Variants in PTPRT observed in about 807,000 individuals in gnomAD.
PTPRT encodes the protein protein tyrosine phosphatase receptor type T, also known as receptor-type tyrosine-protein phosphatase T.
A neutral mutation model predicts 176.8 loss-of-function variants in PTPRT; 56 were observed. The ratio of observed to expected loss-of-function variants is 0.32; its 90% CI spans 0.26 to 0.40. The LOEUF (loss-of-function observed/expected upper bound fraction) is 0.40, where lower values mean the gene tolerates loss of function less well. PTPRT is among the 10% of genes least tolerant of loss of function. PTPRT has a pLI of 1.00. For synonymous variants in PTPRT, 783 were observed against 739.0 expected (o/e 1.06, Z -0.96); for missense variants, 1,540 against 1,908.2 (o/e 0.81, Z 3.60).
chr20:42,557,430 C>A (rs1460737811), intron 7 of PTPRT, among the ~76,000 whole-genome samples: 1 of 152,084 alleles, frequency 6.6e-6, no homozygotes, highest in Non-Finnish European at 1.5e-5. Flanking sequence ...GAGCCAGAGA[C>A]AGGTCATGGG....
At chr20:42,178,881 A>G (rs1990403054) in intron 16 of PTPRT, among the ~76,000 whole-genome samples, 1 of 152,180 alleles carries the variant, frequency 6.6e-6, no homozygotes, top group African/African-American at 2.4e-5. Flanking sequence ...AACTTACAAT[A>G]TAGTAGCTAG....
chr20:43,048,204 C>T (rs541986737), intron 1 of PTPRT, among the ~76,000 whole-genome samples: 1 of 151,696 alleles, frequency 6.6e-6, no homozygotes, highest in Non-Finnish European at 1.5e-5. Flanking sequence ...AAAAGGGCTT[C>T]CAGAGAGATG....
chr20:42,808,371 G>A (rs558832935), intron 2 of PTPRT, among the ~76,000 whole-genome samples: 21 of 152,286 alleles, frequency 1.4e-4, no homozygotes, highest in Middle Eastern at 6.8e-3. Context: ...GGACATTTGC[G>A]TTGGTTCTTT....
chr20:43,168,111 G>A (rs2014902575), intron 1 of PTPRT, among the ~76,000 whole-genome samples: 1 of 152,190 alleles, frequency 6.6e-6, no homozygotes, highest in Non-Finnish European at 1.5e-5. Flanking sequence ...GGAGTCACAT[G>A]TTGTCAAGTC....
intron 7 of PTPRT, among the ~76,000 whole-genome samples, chr20:42,511,450 T>C (rs2071954676): frequency 6.6e-6 from 1 of 151,806 alleles, no homozygotes; most frequent in African/African-American, 2.4e-5. Flanking sequence ...TTTGTCTTAT[T>C]TGGAGTTGAT....
At chr20:42,212,363 A>G (rs2055661506) in intron 15 of PTPRT, among the ~76,000 whole-genome samples, 1 of 150,188 alleles carries the variant, frequency 6.7e-6, no homozygotes, top group African/African-American at 2.4e-5. Flanking sequence ...CACAAAGTAT[A>G]AGTACCATGC....
chr20:42,513,594 G>A (rs1337223845), intron 7 of PTPRT, among the ~76,000 whole-genome samples: 1 of 151,822 alleles, frequency 6.6e-6, no homozygotes, highest in East Asian at 1.9e-4. Flanking sequence ...ATAATTTTTT[G>A]TTATTAATAT....
chr20:42,477,907 C>T (rs1332718166), intron 7 of PTPRT, among the ~76,000 whole-genome samples: 1 of 152,206 alleles, frequency 6.6e-6, no homozygotes, highest in Non-Finnish European at 1.5e-5. Context: ...CACTTTGGCC[C>T]ACTTCAGACT....
intron 6 of PTPRT, among the ~76,000 whole-genome samples, chr20:42,682,509 T>A (rs1471074709): frequency 6.6e-6 from 1 of 152,170 alleles, no homozygotes; most frequent in Non-Finnish European, 1.5e-5. Flanking sequence ...ACACAACCAA[T>A]GCCCTCTTAA....
intron 19 of PTPRT, among the ~76,000 whole-genome samples, chr20:42,123,094 C>T (rs932532063): frequency 1.1e-4 from 16 of 152,186 alleles, no homozygotes; most frequent in Non-Finnish European, 2.9e-5. Context: ...GTGCAGTTTT[C>T]AGCAGTCTGG....
At position 42,223,229 on chromosome 20, in the gene PTPRT, AC is replaced by A. The variant is rs2055926647; in HGVS notation, c.2342+12999del. ...TAATAATAACTACAAGGTACTGAGC[AC>A]CTACTACGCGCCAGATATAAAAACC... On this transcript the variant is annotated intron_variant, in intron 15 of 30. Coordinates refer to ENST00000373187, the MANE Select transcript of PTPRT (RefSeq NM_007050.6). Among the ~76,000 whole-genome samples, 6 of 152,320 alleles carry A rather than the reference AC, an allele frequency of 3.9e-5. No homozygotes were observed. The South Asian group carries it at 1.2e-3, about 32-fold the overall frequency.
In PTPRT at chr20:42,115,924, G is replaced by A. The variant is rs1987254031; in HGVS notation, c.2983-609C>T. 6 of 651,666 alleles carry A rather than the reference G, an allele frequency of 9.2e-6. No homozygotes were observed. The South Asian group carries it at 1.1e-4, about 11-fold the overall frequency. The allele number at this position is 651,666 out of a possible 1,614,324, so 40.4% of individuals were successfully genotyped here. On this transcript the variant is annotated intron_variant, in intron 21 of 30. Coordinates refer to ENST00000373187, the MANE Select transcript of PTPRT (RefSeq NM_007050.6). ...GCTGGACTCCAAGGGAAGATGCGCA[G>A]TTCCTCTCTGACCCTGGACGCGAGC... is the stretch of plus-strand genomic sequence containing the variant.
chr20:42,585,124 C>T (rs73278745), intron 7 of PTPRT, among the ~76,000 whole-genome samples: 2,076 of 152,220 alleles, frequency 0.014, 22 homozygotes, highest in Middle Eastern at 0.037. Context: ...TTTCTTGATC[C>T]TGTGTGAACT....
intron 9 of PTPRT, among the ~76,000 whole-genome samples, chr20:42,409,481 C>CAAAAAAAAAAAAAAAAAAAAAAAAAAA (rs58932390): frequency 8.9e-6 from 1 of 112,144 alleles, no homozygotes; most frequent in African/African-American, 3.6e-5. Context: ...GACTCTGTCG[C>CAAAAAAAAAAAAAAAAAAAAAAAAAAA]AAAAAAAAAA....
chr20:42,048,628 A>G, the PTPRT span, among the ~76,000 whole-genome samples: 2 of 152,094 alleles, frequency 1.3e-5, no homozygotes, highest in Non-Finnish European at 2.9e-5. Context: ...CAACCTACAG[A>G]CATGTGAGCA....
chr20:42,304,237 T>C (rs2057512350), intron 12 of PTPRT, among the ~76,000 whole-genome samples: 1 of 152,074 alleles, frequency 6.6e-6, no homozygotes, highest in African/African-American at 2.4e-5. Context: ...ATTTTTTTCC[T>C]CCTCCTGAAT....
intron 7 of PTPRT, among the ~76,000 whole-genome samples, chr20:42,664,925 A>C (rs931055319): frequency 6.6e-6 from 1 of 152,206 alleles, no homozygotes; most frequent in Non-Finnish European, 1.5e-5. Flanking sequence ...TCCCCTCCTT[A>C]CACGCCTTAC....
chr20:42,225,849 C>T (rs941399209), intron 15 of PTPRT, among the ~76,000 whole-genome samples: 8 of 152,086 alleles, frequency 5.3e-5, no homozygotes, highest in South Asian at 2.1e-4. Flanking sequence ...GATGGGGTCT[C>T]GCCATGTTGG....
intron 1 of PTPRT, among the ~76,000 whole-genome samples, chr20:43,045,612 G>A (rs1484437909): frequency 4.7e-5 from 7 of 147,758 alleles, no homozygotes; most frequent in Non-Finnish European, 7.4e-5. Flanking sequence ...GCACCACCAT[G>A]TCCAGCTAAT....
Sources: allele counts gnomAD v4.1 joint callset (sites outside exome capture counted in the v4.1 genomes callset), GRCh38; gene constraint gnomAD v4.1.1; transcripts MANE v1.5; gene names NCBI Gene and HGNC (gene_info 2026-07-23, HGNC 2026-07-21).